MASP2: variants seen among roughly 807,000 people sequenced by gnomAD.
The protein encoded by MASP2 is mannan-binding lectin serine protease 2.
Under a neutral mutation model 57.1 loss-of-function variants are expected in MASP2, and 49 were observed. The observed-to-expected ratio is 0.86, with a 90% confidence interval of 0.68 to 1.09. MASP2 has a LOEUF of 1.09. Among genes scored for constraint, MASP2 ranks in the 50% least tolerant of loss-of-function variants. MASP2 has a pLI of 0.00. For synonymous variants in MASP2, 379 were observed against 340.8 expected, an observed-to-expected ratio of 1.11 and a Z score of -1.24; for missense variants, 900 against 874.8, an observed-to-expected ratio of 1.03 and a Z score of -0.36.
chr1:11,031,521 T>A (rs1643845214), intron 8 of MASP2, among the ~76,000 whole-genome samples: 1 of 63,270 alleles, frequency 1.6e-5, no homozygotes, highest in Non-Finnish European at 2.7e-5. Flanking sequence ...AGAGCAAGAC[T>A]CTGTCTTAAA....
At position 11,043,329 on chromosome 1, in the gene MASP2, G is replaced by A; in HGVS notation, c.741+10C>T. The A allele has an allele frequency of 6.3e-7, 1 of 1,598,666 alleles. No individual in the cohort carries two copies. Among genetic ancestry groups the A allele is most frequent in the Non-Finnish European group, 8.5e-7 (1 of 1,172,194 alleles). On this transcript the variant is annotated intron_variant, in intron 5 of 10. Transcript: ENST00000400897. ...GATCTGGGACAAGATGAGGGGCCCA[G>A]GAGCCAGACCTTGAGAAAGTCGTAG...
intron 3 of MASP2, chr1:11,046,179 A>T (rs1039047877): frequency 1.2e-5 from 4 of 320,478 alleles, no homozygotes; most frequent in African/African-American, 6.5e-5. Context: ...CGCCCAGCTA[A>T]TTTTTGTAGT....
At chr1:11,039,061 C>T (rs910561519) in intron 6 of MASP2, among the ~76,000 whole-genome samples, 1 of 152,008 alleles carries the variant, frequency 6.6e-6, no homozygotes, top group Non-Finnish European at 1.5e-5. Context: ...AGAACTCTGT[C>T]CAACACCCAC....
chr1:11,034,543 C>T (rs750756923), intron 8 of MASP2, among the ~76,000 whole-genome samples: 4 of 151,464 alleles, frequency 2.6e-5, no homozygotes, highest in Non-Finnish European at 5.9e-5. Flanking sequence ...ACAAATAATA[C>T]AAAAATTAGC....
In MASP2 at chr1:11,029,357, C is replaced by T. The variant is rs541690716; in HGVS notation, c.1297+819G>A. 1.3e-3 allele frequency among the ~76,000 whole-genome samples: 196 copies of T among 150,572 alleles called. 2 individuals carry two copies. Among genetic ancestry groups the T allele is most frequent in the African/African-American group, 4.5e-3 (186 of 41,074 alleles). On this transcript the variant is annotated intron_variant, in intron 10 of 10. Transcript: ENST00000400897. Reference sequence around the variant, plus strand: ...GGGAGGTTGCAGTGAGCCGAGATTGCGCCACTGCACTCCAACCTGGCAAGA... The same window carrying T: ...GGGAGGTTGCAGTGAGCCGAGATTGTGCCACTGCACTCCAACCTGGCAAGA...
At chr1:11,034,780 A>T (rs1369827357) in intron 8 of MASP2, 48 bp downstream of exon 8, 1 of 1,239,382 alleles carries the variant, frequency 8.1e-7, no homozygotes, top group African/African-American at 1.5e-5. Flanking sequence ...GTAGCAGCAG[A>T]GGGAGTTCCG....
rs1240805770 is a variant in MASP2, at chr1:11,045,546, G to A, written c.413-7C>T. 3 of 1,602,370 alleles carry A rather than the reference G, an allele frequency of 1.9e-6. No homozygotes were observed. The African/African-American group carries it at 4.0e-5, about 21-fold the overall frequency. On this transcript the variant is annotated splice_region_variant and splice_polypyrimidine_tract_variant and intron_variant, in intron 3 of 10. Coordinates refer to ENST00000400897, the MANE Select transcript of MASP2 (RefSeq NM_006610.4). ...ACCTGGCACTCGTCAATGTCTGGGGGAGAGGCAGGGCCAGGCAGGCCGTCA... is the reference window on the plus strand; with the variant it reads ...ACCTGGCACTCGTCAATGTCTGGGGAAGAGGCAGGGCCAGGCAGGCCGTCA...
chr1:11,045,662 G>A, intron 3 of MASP2, 123 bp from the exon 4 acceptor site: 1 of 1,127,646 alleles, frequency 8.9e-7, no homozygotes, highest in South Asian at 1.6e-5. Context: ...CCTGTCTAGG[G>A]TGCGGGACTG....
At chr1:11,027,751 A>G in intron 10 of MASP2, 103 bp from the exon 11 acceptor site, 3 of 1,222,688 alleles carry the variant, frequency 2.5e-6, no homozygotes, top group Non-Finnish European at 3.4e-6. Context: ...TCAACCAAAA[A>G]TTATATTACA....
At chr1:11,031,973 G>A (rs912406549) in intron 8 of MASP2, among the ~76,000 whole-genome samples, 1 of 152,112 alleles carries the variant, frequency 6.6e-6, no homozygotes, top group Non-Finnish European at 1.5e-5. Context: ...AGAAAGACCT[G>A]GAAGTCTTTC....
At chr1:11,027,740 G>A (rs1643764117) in intron 10 of MASP2, 92 bp from the exon 11 acceptor site, 10 of 1,365,590 alleles carry the variant, frequency 7.3e-6, no homozygotes, top group Admixed American at 2.4e-5. Context: ...TATATTTGAT[G>A]TCAACCAAAA....
rs149032994 is a variant in MASP2, at chr1:11,043,888, C to T, written c.545-353G>A. The stretch of plus-strand genomic sequence containing the variant: ...CAACCCCAGGGTAGGGGCTAGAGCA[C>T]TGAGTTCCACCAGGCTCTGCCGGGG... On this transcript the variant is annotated intron_variant, in intron 4 of 10. Coordinates refer to ENST00000400897, the MANE Select transcript of MASP2 (RefSeq NM_006610.4). Among the ~76,000 whole-genome samples, 50 of 151,290 alleles carry T rather than the reference C, an allele frequency of 3.3e-4. 1 individual carries two copies. The highest frequency in any genetic ancestry group is 1.2e-3 in the African/African-American group (48 of 41,128).
Position 11,034,819 on chromosome 1 carries a change from CG to C in MASP2, c.1087+8del. The C allele has an allele frequency of 6.2e-7, 1 of 1,606,478 alleles. No homozygotes were observed. ...GGTTATGGGGCCTGTAGTCACCACA[CG>C]ACCGTACTGCTGCACGCGGGCATTG... On this transcript the variant is annotated splice_region_variant and intron_variant, in intron 8 of 10. Transcript: ENST00000400897.
At position 11,027,613 on chromosome 1, in the gene MASP2, T is replaced by G. The variant is rs746297294; in HGVS notation, c.1333A>C (p.Ile445Leu). The G allele has an allele frequency of 7.4e-6, 12 of 1,613,884 alleles. No homozygotes were observed. Among genetic ancestry groups the G allele is most frequent in the Non-Finnish European group, 8.5e-6 (10 of 1,179,838 alleles). The part of the protein sequence containing the change: ...GLSARTTGGR[I>L]YGGQKAKPGD... ...GGTTTTGCCTTTTGCCCTCCATATA[T>G]ACGCCCTCCTGTTGTGCGGGCTGAT... Residue 445 changes from isoleucine (I) to leucine (L), a missense_variant, in exon 11 of 11, where the codon ATA becomes CTA. Ile to Leu is a conservative substitution (Grantham distance 5). Coordinates refer to ENST00000400897, the MANE Select transcript of MASP2 (RefSeq NM_006610.4).
In MASP2 at chr1:11,046,880, C is replaced by G. The variant is rs138366658; in HGVS notation, c.234+11G>C. ...CCCTGAGAAACCCCAGCCCTCCCGT[C>G]CTGACGGCACCTTGACGAAGTCGTA... On this transcript the variant is annotated intron_variant, in intron 2 of 10. Coordinates refer to ENST00000400897, the MANE Select transcript of MASP2 (RefSeq NM_006610.4). 4 of 1,559,644 alleles carry G rather than the reference C, an allele frequency of 2.6e-6. No individual in the cohort carries two copies. The highest frequency in any genetic ancestry group is 3.5e-6 in the Non-Finnish European group (4 of 1,151,340).
At chr1:11,043,886 C>T (rs1638542744) in intron 4 of MASP2, among the ~76,000 whole-genome samples, 2 of 151,282 alleles carry the variant, frequency 1.3e-5, no homozygotes, top group Non-Finnish European at 2.9e-5. Flanking sequence ...GGGGCTAGAG[C>T]ACTGAGTTCC....
intron 5 of MASP2, 88 bp from the exon 6 acceptor site, chr1:11,043,110 G>T: frequency 6.8e-7 from 1 of 1,464,716 alleles, no homozygotes; most frequent in Non-Finnish European, 9.4e-7. Flanking sequence ...CAGCATTTCA[G>T]GGACAGCCAA....
At chr1:11,046,505 C>A in intron 3 of MASP2, 51 bp downstream of exon 3, 1 of 1,604,050 alleles carries the variant, frequency 6.2e-7, no homozygotes, top group South Asian at 1.1e-5. Context: ...CAGAGTTACC[C>A]CCACAGCCAG....
chr1:11,026,931 AC>A lies in MASP2; in HGVS notation c.2014del (p.Val672LeufsTer11). On this transcript the variant is annotated frameshift_variant, in exon 11 of 11. Transcript: ENST00000400897. LOFTEE classifies it high-confidence loss of function. ...EAGQYGVYTKVINYIPWIENI... is the reference protein window; with the variant it reads ...EAGQYGVYTKXINYIPWIENI... ...CTCGATCCAGGGAATATAGTTAATA[AC>A]TTTTGTGTAGACTCCATACTGACCT... The A allele has an allele frequency of 6.6e-7, 1 of 1,507,808 alleles. No homozygotes were observed. Among genetic ancestry groups the A allele is most frequent in the Non-Finnish European group, 8.9e-7 (1 of 1,129,568 alleles). The allele number at this position is 1,507,808 out of a possible 1,614,324, so 93.4% of individuals were successfully genotyped here.
Sources: gnomAD v4.1 joint callset for allele counts (sites outside exome capture counted in the v4.1 genomes callset) on GRCh38, gnomAD v4.1.1 for gene constraint, MANE v1.5 for transcripts, NCBI Gene and HGNC (gene_info 2026-07-23, HGNC 2026-07-21) for gene names.